ARB2A: variants seen among roughly 807,000 people sequenced by gnomAD.
ARB2A encodes the protein cotranscriptional regulator ARB2A.
At chr5:93,666,986 T>C in the ARB2A span, among the ~76,000 whole-genome samples, 3 of 152,218 alleles carry the variant, frequency 2.0e-5, no homozygotes, top group Non-Finnish European at 2.9e-5. Flanking sequence ...TTTTATTCCT[T>C]TGGAGTCCAG....
chr5:93,740,283 A>G, the ARB2A span: 3 of 286,174 alleles, frequency 1.0e-5, no homozygotes, highest in African/African-American at 6.5e-5. Context: ...CAGACACAAT[A>G]TTTAATAAAA....
the ARB2A span, among the ~76,000 whole-genome samples, chr5:94,027,081 C>T: frequency 6.6e-6 from 1 of 152,190 alleles, no homozygotes; most frequent in African/African-American, 2.4e-5. Context: ...CACCACAGCA[C>T]AGCATCAGCT....
the ARB2A span, among the ~76,000 whole-genome samples, chr5:93,634,716 G>A: frequency 4.6e-5 from 7 of 152,134 alleles, no homozygotes; most frequent in Admixed American, 1.3e-4. Context: ...TGACTTGGCC[G>A]AACTTTAAAT....
At chr5:94,023,359 A>C in the ARB2A span, among the ~76,000 whole-genome samples, 1 of 152,212 alleles carries the variant, frequency 6.6e-6, no homozygotes, top group African/African-American at 2.4e-5. Context: ...ATCAATGATA[A>C]ATGGGAAGAA....
the ARB2A span, among the ~76,000 whole-genome samples, chr5:93,746,838 G>A: frequency 4.6e-5 from 7 of 152,228 alleles, no homozygotes; most frequent in South Asian, 1.2e-3. Flanking sequence ...AGCTGAGTGG[G>A]GCTGAGTTGA....
At chr5:93,653,617 C>T in the ARB2A span, among the ~76,000 whole-genome samples, 1 of 143,038 alleles carries the variant, frequency 7.0e-6, no homozygotes, top group Non-Finnish European at 1.5e-5. Flanking sequence ...AAGGCCTGCT[C>T]ATAAGAAGCC....
the ARB2A span, among the ~76,000 whole-genome samples, chr5:94,100,252 G>A: frequency 6.6e-6 from 1 of 152,114 alleles, no homozygotes; most frequent in Non-Finnish European, 1.5e-5. Context: ...GCTCTACAAT[G>A]AGAGTTACAA....
At chr5:93,719,516 CAATT>C in the ARB2A span, among the ~76,000 whole-genome samples, 1 of 152,140 alleles carries the variant, frequency 6.6e-6, no homozygotes, top group Admixed American at 6.5e-5. Context: ...GGAGAACAAT[CAATT>C]AAATTTGCCA....
chr5:94,110,441 C>G, the ARB2A span, among the ~76,000 whole-genome samples: 1 of 152,164 alleles, frequency 6.6e-6, no homozygotes, highest in African/African-American at 2.4e-5. Flanking sequence ...CCATATGGAG[C>G]AGCCATAGCC....
the ARB2A span, among the ~76,000 whole-genome samples, chr5:94,101,083 A>T: frequency 6.6e-6 from 1 of 152,202 alleles, no homozygotes; most frequent in East Asian, 1.9e-4. Flanking sequence ...TCCAGCATCC[A>T]CAAGGAACTT....
chr5:94,062,499 T>C, the ARB2A span, among the ~76,000 whole-genome samples: 1 of 152,214 alleles, frequency 6.6e-6, no homozygotes, highest in South Asian at 2.1e-4. Context: ...GGCTCCCCAG[T>C]GTGGGAAAAG....
At chr5:93,906,267 CAAAT>C in the ARB2A span, among the ~76,000 whole-genome samples, 1 of 151,202 alleles carries the variant, frequency 6.6e-6, no homozygotes, top group African/African-American at 2.4e-5. Flanking sequence ...ATATTTTTGA[CAAAT>C]AAACCATCAG....
the ARB2A span, among the ~76,000 whole-genome samples, chr5:93,985,219 TC>T: frequency 6.6e-6 from 1 of 152,194 alleles, no homozygotes; most frequent in African/African-American, 2.4e-5. Flanking sequence ...CCTGGTGAAC[TC>T]CCCTGTCAGT....
At chr5:93,901,376 G>C in the ARB2A span, among the ~76,000 whole-genome samples, 1 of 152,118 alleles carries the variant, frequency 6.6e-6, no homozygotes, top group African/African-American at 2.4e-5. Flanking sequence ...GGAGTGCACA[G>C]GTAGACAGCA....
At chr5:93,884,209 T>A in the ARB2A span, among the ~76,000 whole-genome samples, 1 of 151,578 alleles carries the variant, frequency 6.6e-6, no homozygotes, top group Non-Finnish European at 1.5e-5. Context: ...TCACCAGAAT[T>A]GTAAGACTAT....
At chr5:93,762,452 T>C in the ARB2A span, among the ~76,000 whole-genome samples, 1 of 152,124 alleles carries the variant, frequency 6.6e-6, no homozygotes, top group Admixed American at 6.5e-5. Flanking sequence ...AGGGTATCAG[T>C]GATGGAAGAT....
the ARB2A span, among the ~76,000 whole-genome samples, chr5:94,062,073 T>A: frequency 1.3e-5 from 2 of 152,176 alleles, no homozygotes. Context: ...GGTAAACACA[T>A]AGATCCAGGA....
At chr5:93,901,911 G>C in the ARB2A span, among the ~76,000 whole-genome samples, 2 of 152,042 alleles carry the variant, frequency 1.3e-5, no homozygotes, top group Non-Finnish European at 2.9e-5. Context: ...GAAGTTAAAT[G>C]ATACTCAGGA....
the ARB2A span, among the ~76,000 whole-genome samples, chr5:93,803,454 G>GC: frequency 3.3e-4 from 49 of 146,740 alleles, no homozygotes; most frequent in East Asian, 2.4e-3. Context: ...CTCCCTCACC[G>GC]CCCCCCCACC....
Sources: allele counts gnomAD v4.1 joint callset (sites outside exome capture counted in the v4.1 genomes callset), GRCh38; gene constraint gnomAD v4.1.1; transcripts MANE v1.5; gene names NCBI Gene and HGNC (gene_info 2026-07-23, HGNC 2026-07-21).